Variants in ZNF432 observed in about 807,000 individuals in gnomAD.
ZNF432 encodes the protein zinc finger protein 432.
In ZNF432, 10 loss-of-function variants were observed where a neutral mutation model predicts 13.9. The observed-to-expected ratio is 0.72, with a 90% confidence interval of 0.44 to 1.22. ZNF432 has a LOEUF of 1.22. ZNF432 is among the 50% of genes most tolerant of loss of function. The pLI is 0.00. For synonymous variants in ZNF432, 247 were observed against 256.2 expected (o/e 0.96, Z 0.34); for missense variants, 793 against 796.2 (o/e 1.00, Z 0.05).
intron 2 of ZNF432, among the ~76,000 whole-genome samples, chr19:52,045,547 G>A (rs1028631459): frequency 4.0e-5 from 6 of 150,962 alleles, no homozygotes; most frequent in East Asian, 2.0e-4. Flanking sequence ...GTAGAGATAC[G>A]GTTTCTCCAT....
intron 3 of ZNF432, 82 bp downstream of exon 3, chr19:52,041,397 AG>A (rs2087135202): frequency 6.7e-7 from 1 of 1,487,832 alleles, no homozygotes; most frequent in Non-Finnish European, 9.0e-7. Context: ...AGAGCACTGC[AG>A]TAACTTCCAA....
At position 52,033,830 on chromosome 19, in the gene ZNF432, G is replaced by A. The variant is rs74347014; in HGVS notation, c.1849C>T (p.Arg617Ter). ...TMKSRLIVHQ[R>*]THTGEKPFVC... is the part of the protein sequence containing the mutation. ...AAGGGTTTCTCTCCTGTATGAGTTC[G>A]TTGATGAACAATTAGACGGCTCTTC... is the stretch of plus-strand genomic sequence containing the variant. Residue 617 changes from arginine (R) to a stop codon, truncating the protein, a stop_gained, in exon 5 of 5, where the codon CGA becomes TGA. Coordinates refer to ENST00000221315, the MANE Select transcript of ZNF432 (RefSeq NM_014650.4). LOFTEE classifies it low-confidence loss of function (END_TRUNC). 59 of 1,614,056 alleles carry A rather than the reference G, an allele frequency of 3.7e-5. No homozygotes were observed. The highest frequency in any genetic ancestry group is 8.8e-5 in the South Asian group (8 of 91,062).
Position 52,035,391 on chromosome 19 carries a change from C to G in ZNF432, c.288G>C (p.Arg96Ser), listed in dbSNP as rs1251653855. 1.3e-6 allele frequency: 2 copies of G among 1,571,416 alleles called. No individual in the cohort carries two copies. Among genetic ancestry groups the G allele is most frequent in the African/African-American group, 2.8e-5 (2 of 72,578 alleles). ...GGTATTGTTCCACACTCTTCAGCAT[C>G]CTTTGATTTTCCAAGTGATCCTGCA... ...DHLQDHLENQ[R>S]MLKSVEQYHE... Residue 96 changes from arginine to serine, a missense_variant, in exon 5 of 5, where the codon AGG becomes AGC. Physicochemically the swap from Arg to Ser is moderately radical, Grantham distance 110. Transcript: ENST00000221315.
intron 2 of ZNF432, among the ~76,000 whole-genome samples, chr19:52,041,950 C>T (rs978708485): frequency 6.6e-6 from 1 of 152,112 alleles, no homozygotes; most frequent in African/African-American, 2.4e-5. Context: ...GCCTTCCCAG[C>T]TAATACTAGC....
At chr19:52,039,181 G>C (rs2087111016) in intron 4 of ZNF432, among the ~76,000 whole-genome samples, 1 of 152,196 alleles carries the variant, frequency 6.6e-6, no homozygotes, top group Non-Finnish European at 1.5e-5. Context: ...ACTGTACTTG[G>C]ACCCCCTCCT....
chr19:52,044,092 A>C (rs1028710463), intron 2 of ZNF432, among the ~76,000 whole-genome samples: 17 of 152,132 alleles, frequency 1.1e-4, no homozygotes, highest in African/African-American at 4.1e-4. Context: ...GGGGCAACCC[A>C]CCCCTTCACA....
chr19:52,033,029 TAGA>T lies in ZNF432; in HGVS notation c.*688_*690del, dbSNP rs2123139973. ...TGAAGAGATAGGGTCTTTCTTCCCA[TAGA>T]AGGCTTTCCTAGCCTACTCCTTTGT... On this transcript the variant is annotated 3_prime_UTR_variant, in exon 5 of 5. Coordinates refer to ENST00000221315, the MANE Select transcript of ZNF432 (RefSeq NM_014650.4). 1 of 152,336 alleles carries T rather than the reference TAGA, an allele frequency of 6.6e-6. No individual in the cohort carries two copies. The highest frequency in any genetic ancestry group is 2.1e-4 in the South Asian group (1 of 4,830). 9.4% of individuals were successfully genotyped at this position (152,336 alleles called of 1,614,324 possible). A position where few individuals can be genotyped will look rare whatever the true frequency, so the allele number is the denominator to read the frequency against.
chr19:52,043,510 TGGGAA>T (rs2087154250), intron 2 of ZNF432, among the ~76,000 whole-genome samples: 1 of 151,810 alleles, frequency 6.6e-6, no homozygotes, highest in South Asian at 2.1e-4. Flanking sequence ...TATGGCCTCG[TGGGAA>T]GGGAAAGACC....
chr19:52,043,419 A>AC, intron 2 of ZNF432, among the ~76,000 whole-genome samples: 1 of 152,286 alleles, frequency 6.6e-6, no homozygotes, highest in East Asian at 1.9e-4. Context: ...CAGGGACACA[A>AC]ACACTGCGGA....
At chr19:52,040,811 A>G (rs1046597369) in intron 3 of ZNF432, among the ~76,000 whole-genome samples, 1 of 152,138 alleles carries the variant, frequency 6.6e-6, no homozygotes, top group Non-Finnish European at 1.5e-5. Context: ...AAAAAATACA[A>G]TAATAAAAAA....
chr19:52,037,794 A>G, intron 4 of ZNF432, among the ~76,000 whole-genome samples: 1 of 151,804 alleles, frequency 6.6e-6, no homozygotes, highest in Non-Finnish European at 1.5e-5. Flanking sequence ...TACCTTAAAA[A>G]AAAAAAAAAA....
At chr19:52,043,147 G>C (rs1216243811) in intron 2 of ZNF432, among the ~76,000 whole-genome samples, 1 of 152,160 alleles carries the variant, frequency 6.6e-6, no homozygotes, top group Non-Finnish European at 1.5e-5. Flanking sequence ...GGAAAAGCAA[G>C]AGAGATCAGA....
intron 4 of ZNF432, chr19:52,040,218 T>A: frequency 2.1e-6 from 1 of 470,784 alleles, no homozygotes. Context: ...AAAACAGTCC[T>A]TTCTAGGTAA....
intron 4 of ZNF432, among the ~76,000 whole-genome samples, chr19:52,038,912 T>C (rs1230804964): frequency 2.0e-5 from 3 of 152,266 alleles, no homozygotes; most frequent in Non-Finnish European, 4.4e-5. Flanking sequence ...AACAATATGA[T>C]TTGTGATAGG....
chr19:52,038,504 G>A (rs534804641), intron 4 of ZNF432, among the ~76,000 whole-genome samples: 38 of 152,188 alleles, frequency 2.5e-4, no homozygotes, highest in African/African-American at 9.2e-4. Context: ...TGGTGAGGCT[G>A]GTCTCAAACT....
intron 4 of ZNF432, among the ~76,000 whole-genome samples, chr19:52,039,036 T>G (rs997842522): frequency 2.0e-5 from 3 of 152,244 alleles, no homozygotes; most frequent in Non-Finnish European, 4.4e-5. Context: ...GGGCTGTATG[T>G]GACTGAAACC....
chr19:52,039,651 G>A (rs955128877), intron 4 of ZNF432, among the ~76,000 whole-genome samples: 65 of 150,938 alleles, frequency 4.3e-4, no homozygotes, highest in African/African-American at 1.6e-3. Flanking sequence ...GGCCAACATG[G>A]TGAAACCCTG....
chr19:52,039,828 C>CAAAAAA (rs562794463), intron 4 of ZNF432, among the ~76,000 whole-genome samples: 15 of 52,206 alleles, frequency 2.9e-4, no homozygotes, highest in Admixed American at 5.8e-4. Flanking sequence ...GACTCCATCT[C>CAAAAAA]AAAAAAAAAA....
rs1161638388 is a variant in ZNF432 at position 52,032,757 on chromosome 19, CTTT to C, written c.*960_*962del. On this transcript the variant is annotated 3_prime_UTR_variant, in exon 5 of 5. Transcript: ENST00000221315. ...GGCATTATGTATCATTTTCATGAGA[CTTT>C]TTTACTTCATGAATTTCCTGATCCT... 6 of 152,090 alleles carry C rather than the reference CTTT, an allele frequency of 3.9e-5. No homozygotes were observed. The highest frequency in any genetic ancestry group is 1.2e-4 in the African/African-American group (5 of 41,428). 9.4% of individuals were successfully genotyped at this position (152,090 alleles called of 1,614,324 possible).
Sources: gnomAD v4.1 joint callset for allele counts (sites outside exome capture counted in the v4.1 genomes callset) on GRCh38, gnomAD v4.1.1 for gene constraint, MANE v1.5 for transcripts, NCBI Gene and HGNC (gene_info 2026-07-23, HGNC 2026-07-21) for gene names.